The following INSL6 variants were observed in gnomAD, a reference collection of about 807,000 sequenced individuals.
INSL6 encodes insulin-like peptide INSL6.
A neutral mutation model predicts 9.4 loss-of-function variants in INSL6; 16 were observed. The ratio of observed to expected loss-of-function variants is 1.70; its 90% confidence interval spans 1.15 to 2.59. The LOEUF (loss-of-function observed/expected upper bound fraction) is 2.59. Ranked by LOEUF, INSL6 falls within the 30% of genes most tolerant of loss-of-function variation. INSL6 has a pLI of 0.00. For missense variants in INSL6, 391 were observed against 257.3 expected (o/e 1.52, Z -3.56); for synonymous variants, 154 against 96.9 (o/e 1.59, Z -3.46).
At chr9:5,159,289 C>T (rs1012465869), downstream of INSL6, among the ~76,000 whole-genome samples, 1 of 151,732 alleles carries the variant, frequency 6.6e-6, no homozygotes, top group Admixed American at 6.6e-5. Context: ...TAAGTCCTTA[C>T]TTGTCAATAA....
the INSL6 span, chr9:5,089,885 A>ATTTTAAATTCAAGG: frequency 7.0e-7 from 1 of 1,429,740 alleles, no homozygotes; most frequent in Middle Eastern, 2.2e-4. Context: ...ATTGAAACCT[A>ATTTTAAATTCAAGG]TTTTAAATTC....
At chr9:5,004,108 T>C in the INSL6 span, among the ~76,000 whole-genome samples, 1 of 152,302 alleles carries the variant, frequency 6.6e-6, no homozygotes, top group East Asian at 1.9e-4. Context: ...AATTAACATA[T>C]GTATCACCTC....
chr9:5,010,023 T>C, the INSL6 span, among the ~76,000 whole-genome samples: 8 of 152,198 alleles, frequency 5.3e-5, no homozygotes, highest in African/African-American at 9.6e-5. Context: ...CCTCTCGCCT[T>C]GGACTTCCAA....
chr9:5,154,988 G>T (rs951876865), intron 2 of INSL6, among the ~76,000 whole-genome samples: 2 of 151,920 alleles, frequency 1.3e-5, no homozygotes, highest in African/African-American at 4.8e-5. Context: ...TATACCCAAA[G>T]GACTATAAAT....
the INSL6 span, chr9:5,112,919 G>A: frequency 3.7e-6 from 1 of 267,732 alleles, no homozygotes. Flanking sequence ...GCCCACTTGA[G>A]GCCCTGGGCT....
At chr9:5,069,765 A>G in the INSL6 span, among the ~76,000 whole-genome samples, 1 of 152,182 alleles carries the variant, frequency 6.6e-6, no homozygotes, top group Non-Finnish European at 1.5e-5. Context: ...TCAAAGTTCA[A>G]TGAGTTGACC....
chr9:5,150,069 T>C (rs1223747653), intron 2 of INSL6, among the ~76,000 whole-genome samples: 2 of 152,194 alleles, frequency 1.3e-5, no homozygotes, highest in African/African-American at 4.8e-5. Context: ...TCTGGACTCA[T>C]CTCTCTCACC....
Position 5,140,156 on chromosome 9 carries a change from A to C in INSL6, c.377-6564T>G, listed in dbSNP as rs551816678. Reference sequence around the variant, plus strand: ...AAATATATTTAATCTATTTAAGTCAAATCAATAACCTGGGAAATATTAACC... The same window carrying C: ...AAATATATTTAATCTATTTAAGTCACATCAATAACCTGGGAAATATTAACC... On this transcript the variant is annotated intron_variant, in intron 2 of 3. Coordinates refer to the INSL6 transcript ENST00000649639. Among the ~76,000 whole-genome samples, 40 of 152,296 alleles carry C rather than the reference A, an allele frequency of 2.6e-4. No individual in the cohort carries two copies. The South Asian group carries it at 7.1e-3, about 27-fold the overall frequency.
the INSL6 span, chr9:5,080,545 T>C: frequency 1.9e-6 from 3 of 1,587,588 alleles, no homozygotes; most frequent in Non-Finnish European, 2.6e-6. Flanking sequence ...GCTACAATTT[T>C]ATGAAGATAG....
the INSL6 span, chr9:5,108,237 A>G: frequency 2.0e-5 from 3 of 152,140 alleles, no homozygotes; most frequent in East Asian, 5.8e-4. Context: ...ATTTTTTAAA[A>G]TTATAGCATT....
chr9:4,992,030 T>A, the INSL6 span, among the ~76,000 whole-genome samples: 1 of 152,062 alleles, frequency 6.6e-6, no homozygotes, highest in African/African-American at 2.4e-5. Context: ...GGGTCAGTAA[T>A]TGAGACAGGG....
the INSL6 span, among the ~76,000 whole-genome samples, chr9:5,086,643 A>G: frequency 6.6e-6 from 1 of 152,308 alleles, no homozygotes; most frequent in South Asian, 2.1e-4. Flanking sequence ...ATTATGTTAA[A>G]TGAGTTCCTT....
At chr9:5,084,418 T>G in the INSL6 span, among the ~76,000 whole-genome samples, 1 of 152,196 alleles carries the variant, frequency 6.6e-6, no homozygotes, top group Non-Finnish European at 1.5e-5. Context: ...TTTATAAAAA[T>G]TAGCTACTGT....
chr9:5,054,313 A>C, the INSL6 span, among the ~76,000 whole-genome samples: 64 of 152,184 alleles, frequency 4.2e-4, no homozygotes, highest in Non-Finnish European at 7.1e-4. This position sits in a 1 kb window ranked among gnomAD's most constrained non-coding sequence, Gnocchi z 4.9. Context: ...CATTAGGGGA[A>C]GAAGATTAAC....
At chr9:5,074,875 A>C in the INSL6 span, among the ~76,000 whole-genome samples, 1 of 152,190 alleles carries the variant, frequency 6.6e-6, no homozygotes, top group African/African-American at 2.4e-5. Flanking sequence ...GACAAGCTGA[A>C]AGCTAGGCCT....
the INSL6 span, among the ~76,000 whole-genome samples, chr9:5,019,247 TTTTC>T: frequency 2.0e-5 from 3 of 152,198 alleles, no homozygotes; most frequent in East Asian, 3.8e-4. Context: ...GTTCATTCTT[TTTTC>T]TTTATTTTTG....
chr9:5,136,676 C>G (rs1042970715), intron 2 of INSL6, among the ~76,000 whole-genome samples: 1 of 152,108 alleles, frequency 6.6e-6, no homozygotes, highest in Non-Finnish European at 1.5e-5. Context: ...ACTGAACGGG[C>G]AAAAACTGGA....
the INSL6 span, among the ~76,000 whole-genome samples, chr9:5,058,888 T>C: frequency 7.2e-5 from 11 of 152,212 alleles, no homozygotes; most frequent in Admixed American, 7.2e-4. Context: ...ATCAGGTTTT[T>C]TTTGCTGAAT....
chr9:5,132,093 G>A (rs1399357945), intron 3 of INSL6: 1 of 152,082 alleles, frequency 6.6e-6, no homozygotes. Context: ...ACTTGAAACT[G>A]AGTTTTACCT....
Sources: allele counts gnomAD v4.1 joint callset (sites outside exome capture counted in the v4.1 genomes callset), GRCh38; gene constraint gnomAD v4.1.1; non-coding constraint Gnocchi (gnomAD v3.1); transcripts MANE v1.5; gene names NCBI Gene and HGNC (gene_info 2026-07-23, HGNC 2026-07-21).